Variants in RASSF3 observed in about 807,000 individuals in gnomAD.
RASSF3 encodes ras association domain-containing protein 3.
RASSF3 carries 19 observed loss-of-function variants against 19.9 expected under a neutral mutation model. The ratio of observed to expected loss-of-function variants is 0.96; its 90% CI spans 0.67 to 1.40. The LOEUF (loss-of-function observed/expected upper bound fraction) is 1.40, where lower values mean the gene tolerates loss of function less well. RASSF3 is among the 40% of genes most tolerant of loss of function. The pLI is 0.00. For synonymous variants in RASSF3, 110 were observed against 104.2 expected, an observed-to-expected ratio of 1.06 and a Z score of -0.34; for missense variants, 306 against 289.8, an observed-to-expected ratio of 1.06 and a Z score of -0.41.
At chr12:64,655,565 G>A (rs890788779) in intron 1 of RASSF3, among the ~76,000 whole-genome samples, 10 of 151,134 alleles carry the variant, frequency 6.6e-5, no homozygotes, top group East Asian at 3.9e-4. Flanking sequence ...CTCCTGCCTC[G>A]GCCTCCCAAA....
chr12:64,567,161 G>A (rs1869445794), intron 2 of RASSF3, among the ~76,000 whole-genome samples: 1 of 152,186 alleles, frequency 6.6e-6, no homozygotes, highest in South Asian at 2.1e-4. Flanking sequence ...AGGCGTGGGT[G>A]ACCACACCAA....
At chr12:64,520,113 T>C (rs1868436065) in intron 1 of RASSF3, among the ~76,000 whole-genome samples, 1 of 151,950 alleles carries the variant, frequency 6.6e-6, no homozygotes, top group Non-Finnish European at 1.5e-5. Flanking sequence ...ACTCAGTAGA[T>C]GGTAGCCTCT....
At chr12:64,604,130 T>C (rs1328628452) in intron 2 of RASSF3, among the ~76,000 whole-genome samples, 1 of 136,532 alleles carries the variant, frequency 7.3e-6, no homozygotes, top group African/African-American at 2.8e-5. Flanking sequence ...ACAGGTTTTC[T>C]TTTTTTTTTT....
downstream of RASSF3, among the ~76,000 whole-genome samples, chr12:64,546,576 T>C (rs2136118810): frequency 6.6e-6 from 1 of 152,340 alleles, no homozygotes; most frequent in Admixed American, 6.5e-5. Context: ...GGCCAATACA[T>C]TGTTTTAATA....
At chr12:64,691,819 C>G (rs1342896492) in intron 4 of RASSF3, among the ~76,000 whole-genome samples, 1 of 136,852 alleles carries the variant, frequency 7.3e-6, no homozygotes, top group Middle Eastern at 3.8e-3. Flanking sequence ...ATTAGTCTGT[C>G]ATTTTCAGAG....
chr12:64,641,931 G>A (rs558938917), intron 1 of RASSF3, among the ~76,000 whole-genome samples: 4 of 151,934 alleles, frequency 2.6e-5, no homozygotes, highest in South Asian at 4.2e-4. Context: ...TAGTAGAGAC[G>A]GGGTTTCTCC....
At chr12:64,608,882 A>G (rs976920158), upstream of RASSF3, among the ~76,000 whole-genome samples, 2 of 152,212 alleles carry the variant, frequency 1.3e-5, no homozygotes, top group African/African-American at 4.8e-5. Flanking sequence ...GTGAAACTAT[A>G]TGGAGTTAGA....
intron 3 of RASSF3, 36 bp downstream of exon 3, chr12:64,688,489 T>G: frequency 1.4e-6 from 2 of 1,433,768 alleles, no homozygotes; most frequent in East Asian, 2.3e-5. Flanking sequence ...TGGTCTGTGC[T>G]TCTACTTGCA....
intron 1 of RASSF3, among the ~76,000 whole-genome samples, chr12:64,537,590 TC>T (rs1301522742): frequency 6.6e-6 from 1 of 152,164 alleles, no homozygotes; most frequent in Non-Finnish European, 1.5e-5. Context: ...GACTCACACG[TC>T]CAACTTCTTA....
At chr12:64,554,851 C>T (rs1027669354) in intron 2 of RASSF3, among the ~76,000 whole-genome samples, 1 of 152,196 alleles carries the variant, frequency 6.6e-6, no homozygotes, top group African/African-American at 2.4e-5. Flanking sequence ...TTCTCAGTCC[C>T]TGGCACATAG....
chr12:64,600,250 G>A (rs894541692), intron 2 of RASSF3, among the ~76,000 whole-genome samples: 1 of 152,030 alleles, frequency 6.6e-6, no homozygotes, highest in African/African-American at 2.4e-5. Context: ...ACATCCAGGA[G>A]TTCCAGACCA....
rs17100503 is a variant in RASSF3 at position 64,639,853 on chromosome 12, A to G, written c.111+29110A>G. Among the ~76,000 whole-genome samples, 405 of 152,368 alleles carry G rather than the reference A, an allele frequency of 2.7e-3. 2 individuals carry two copies. Among genetic ancestry groups the G allele is most frequent in the African/African-American group, 9.4e-3 (391 of 41,594 alleles). On this transcript the variant is annotated intron_variant, in intron 1 of 4. Coordinates refer to ENST00000542104, the MANE Select transcript of RASSF3 (RefSeq NM_178169.4). ...AACACTTAACTACCTACTGGGAGGA[A>G]TCAATAAGAGAGCCACTTCTGGTGG...
intron 4 of RASSF3, among the ~76,000 whole-genome samples, chr12:64,694,025 A>C (rs1185749326): frequency 6.6e-6 from 1 of 152,156 alleles, no homozygotes; most frequent in Non-Finnish European, 1.5e-5. Flanking sequence ...GGGGAGGATG[A>C]GTAGTTCATA....
chr12:64,518,119 AG>A lies in RASSF3; in HGVS notation c.169+10791del, dbSNP rs368776871. ...TTTTTAAAATAAAAAATAATTAAAA[AG>A]ATAAAAAATTAATCATTCATAGTTA... On this transcript the variant is annotated intron_variant, in intron 1 of 5. Transcript: ENST00000637125. 1.5e-4 allele frequency among the ~76,000 whole-genome samples: 23 copies of A among 152,350 alleles called. No individual in the cohort carries two copies. The South Asian group carries it at 4.4e-3, about 29-fold the overall frequency.
At chr12:64,690,917 A>G (rs965455368) in intron 3 of RASSF3, among the ~76,000 whole-genome samples, 2 of 151,708 alleles carry the variant, frequency 1.3e-5, no homozygotes, top group Non-Finnish European at 2.9e-5. Flanking sequence ...CAGGAGCGCA[A>G]TGGCACGATC....
intron 1 of RASSF3, among the ~76,000 whole-genome samples, chr12:64,520,310 A>G: frequency 6.6e-6 from 1 of 151,632 alleles, no homozygotes; most frequent in Admixed American, 6.6e-5. Flanking sequence ...CTACAGGCAC[A>G]TGCCGCCATG....
chr12:64,617,694 A>ACC (rs1341574078), intron 1 of RASSF3, among the ~76,000 whole-genome samples: 1 of 152,128 alleles, frequency 6.6e-6, no homozygotes, highest in Admixed American at 6.6e-5. Flanking sequence ...AGTAGCTGGG[A>ACC]TTACAGGTGC....
chr12:64,605,171 A>G lies in RASSF3; in HGVS notation c.294+63466A>G, dbSNP rs142489132. Among the ~76,000 whole-genome samples the G allele has an allele frequency of 6.1e-3, 911 of 150,382 alleles. 10 individuals are homozygous for G. The highest frequency in any genetic ancestry group is 0.021 in the African/African-American group (863 of 40,898). On this transcript the variant is annotated intron_variant, in intron 2 of 5. Transcript: ENST00000637125. ...CTAATTTTTGTATTTTTTTTAGTAG[A>G]GATGGGGTATCACCATGTTGGCCGG...
chr12:64,583,029 T>C lies in RASSF3; in HGVS notation c.294+41324T>C, dbSNP rs11175462. Among the ~76,000 whole-genome samples, 135 of 152,272 alleles carry C rather than the reference T, an allele frequency of 8.9e-4. 1 individual carries two copies. The East Asian group carries it at 0.024, about 27-fold the overall frequency. ...GAAGTGCATATTTCAAAGAGAGCCCTGTACCTTTTGTTCTCTTGCAAGACA... is the reference window on the plus strand; with the variant it reads ...GAAGTGCATATTTCAAAGAGAGCCCCGTACCTTTTGTTCTCTTGCAAGACA... On this transcript the variant is annotated intron_variant, in intron 2 of 5. Transcript: ENST00000637125.
Sources: allele counts gnomAD v4.1 joint callset (sites outside exome capture counted in the v4.1 genomes callset), GRCh38; gene constraint gnomAD v4.1.1; transcripts MANE v1.5; gene names NCBI Gene and HGNC (gene_info 2026-07-23, HGNC 2026-07-21).